The following SLCO4A1 variants were observed in gnomAD, a reference collection of about 807,000 sequenced individuals.
The protein encoded by SLCO4A1 is colon organic anion transporter.
Under a neutral mutation model 64.6 loss-of-function variants are expected in SLCO4A1, and 51 were observed. The ratio of observed to expected loss-of-function variants is 0.79; its 90% CI spans 0.63 to 1.00. The LOEUF (loss-of-function observed/expected upper bound fraction) is 1.00. Among genes scored for constraint, SLCO4A1 ranks in the 50% least tolerant of loss-of-function variants. The pLI, the probability that SLCO4A1 is intolerant of heterozygous loss-of-function variation, is 0.00. For missense variants in SLCO4A1, 919 were observed against 980.5 expected (o/e 0.94, Z 0.84); for synonymous variants, 471 against 444.9 (o/e 1.06, Z -0.74).
At chr20:62,682,447 G>A (rs1018668757) in intron 2 of SLCO4A1, among the ~76,000 whole-genome samples, 3 of 152,210 alleles carry the variant, frequency 2.0e-5, no homozygotes, top group African/African-American at 7.2e-5. Context: ...TTGGACACAT[G>A]AGTGTGGAGA....
At chr20:62,687,073 G>C (rs926179384), downstream of SLCO4A1, among the ~76,000 whole-genome samples, 1 of 148,632 alleles carries the variant, frequency 6.7e-6, no homozygotes, top group Non-Finnish European at 1.5e-5. Flanking sequence ...CCCCAAACAG[G>C]CACGATGGGA....
In SLCO4A1 at chr20:62,672,276, T is replaced by C; in HGVS notation, c.*383T>C. The C allele has an allele frequency of 1.8e-6, 2 of 1,139,306 alleles. No individual in the cohort carries two copies. The highest frequency in any genetic ancestry group is 2.2e-6 in the Non-Finnish European group (2 of 920,558). 70.6% of individuals were successfully genotyped at this position (1,139,306 alleles called of 1,614,324 possible). A position where few individuals can be genotyped will look rare whatever the true frequency, so the allele number is the denominator to read the frequency against. ...TTAAAACTGTGCATATCGAAATATA[T>C]TTTGTTATTTAAGCCTGCGTCCCCG... is the stretch of plus-strand genomic sequence containing the variant. On this transcript the variant is annotated 3_prime_UTR_variant, in exon 12 of 12. Transcript: ENST00000217159.
downstream of SLCO4A1, among the ~76,000 whole-genome samples, chr20:62,687,716 C>T (rs1360485667): frequency 6.6e-6 from 1 of 152,196 alleles, no homozygotes; most frequent in African/African-American, 2.4e-5. Flanking sequence ...GGGGGCCGCT[C>T]CTGGACACGG....
chr20:62,684,893 G>A (rs1288373929), intron 2 of SLCO4A1, among the ~76,000 whole-genome samples: 4 of 152,120 alleles, frequency 2.6e-5, no homozygotes, highest in East Asian at 1.9e-4. Context: ...GCAACGACCC[G>A]ACCACACCAG....
intron 1 of SLCO4A1, among the ~76,000 whole-genome samples, chr20:62,646,912 A>C (rs76604150): frequency 0.035 from 5,322 of 152,296 alleles, 140 homozygotes; most frequent in African/African-American, 0.059. Flanking sequence ...CGTCCTCCCC[A>C]CGCTCCCAGG....
downstream of SLCO4A1, among the ~76,000 whole-genome samples, chr20:62,676,650 G>A (rs1044045866): frequency 1.2e-4 from 18 of 152,190 alleles, no homozygotes; most frequent in East Asian, 7.7e-4. Flanking sequence ...ACGACACGTC[G>A]TGGAGAACTT....
In SLCO4A1 at chr20:62,661,052, G is replaced by C. The variant is rs927364174; in HGVS notation, c.1010-12G>C. ...CCAGCCCCCAGCCCCAGCTCACTCT[G>C]TGCCCTTCCAGGCTCCCAGCGCTAC... On this transcript the variant is annotated splice_polypyrimidine_tract_variant and intron_variant, in intron 4 of 11. Transcript: ENST00000217159. The surrounding 1 kb of genome is among the most constrained non-coding windows in gnomAD (Gnocchi z 5.2). The C allele has an allele frequency of 1.3e-5, 10 of 764,562 alleles. No homozygotes were observed. The Admixed American group carries it at 1.5e-4, about 11-fold the overall frequency. The allele number at this position is 764,562 out of a possible 1,614,324, so 47.4% of individuals were successfully genotyped here.
At chr20:62,655,561 G>A (rs1243134804) in intron 1 of SLCO4A1, among the ~76,000 whole-genome samples, 1 of 152,204 alleles carries the variant, frequency 6.6e-6, no homozygotes, top group Admixed American at 6.5e-5. Flanking sequence ...TCGGGATGGT[G>A]GGGAACAGGG....
rs1440058753 is a variant in SLCO4A1, at chr20:62,661,038, C to CCCCCAGT, written c.1010-23_1010-22insCAGTCCC. 3 of 1,317,862 alleles carry CCCCCAGT rather than the reference C, an allele frequency of 2.3e-6. No homozygotes were observed. Among genetic ancestry groups the CCCCCAGT allele is most frequent in the Non-Finnish European group, 2.2e-6 (2 of 914,268 alleles). The allele number at this position is 1,317,862 out of a possible 1,614,324, so 81.6% of individuals were successfully genotyped here. Reference sequence around the variant, plus strand: ...ACCTCCGGGAGCCCCCAGCCCCCAGCCCCAGCTCACTCTGTGCCCTTCCAG... The same window carrying CCCCCAGT: ...ACCTCCGGGAGCCCCCAGCCCCCAGCCCCCAGTCCCAGCTCACTCTGTGCCCTTCCAG... On this transcript the variant is annotated intron_variant, in intron 4 of 11. Transcript: ENST00000217159. The surrounding 1 kb of genome is among the most constrained non-coding windows in gnomAD (Gnocchi z 5.2).
intron 7 of SLCO4A1, 47 bp downstream of exon 7, chr20:62,666,622 C>T (rs757673039): frequency 2.3e-5 from 35 of 1,529,020 alleles, no homozygotes; most frequent in Non-Finnish European, 2.8e-5. Context: ...CCCAAGCACC[C>T]GCGGTCCCTG....
In SLCO4A1 at chr20:62,685,125, C is replaced by T. The variant is rs906886078; in HGVS notation, n.212-316C>T. On this transcript the variant is annotated intron_variant and non_coding_transcript_variant, in intron 2 of 2. Coordinates refer to the SLCO4A1 transcript ENST00000466818. This position sits in a 1 kb window ranked among gnomAD's most constrained non-coding sequence, Gnocchi z 4.6. ...CGTGTGACCAGCCAGGGTCATAAAA[C>T]ACACATGGTCAGAGCAGGGCACTCA... Among the ~76,000 whole-genome samples, 2 of 151,940 alleles carry T rather than the reference C, an allele frequency of 1.3e-5. No individual in the cohort carries two copies. Among genetic ancestry groups the T allele is most frequent in the Non-Finnish European group, 2.9e-5 (2 of 67,974 alleles).
At chr20:62,663,031 T>C (rs1350391865) in intron 5 of SLCO4A1, 1 of 152,188 alleles carries the variant, frequency 6.6e-6, no homozygotes, top group African/African-American at 2.4e-5. Context: ...AGGAAATAAA[T>C]TTTGAAAGAA....
At position 62,680,567 on chromosome 20, in the gene SLCO4A1, TG is replaced by T. The variant is rs1987779943; in HGVS notation, n.212-4872del. On this transcript the variant is annotated intron_variant and non_coding_transcript_variant, in intron 2 of 2. Transcript: ENST00000466818. Reference sequence around the variant, plus strand: ...TCCCCTTCTATTTCTAGTTTGCTGATGGTTTTTTTTTTTTTTTAACCATAAA... The same window carrying T: ...TCCCCTTCTATTTCTAGTTTGCTGATGTTTTTTTTTTTTTTTAACCATAAA... Among the ~76,000 whole-genome samples, 4 of 103,054 alleles carry T rather than the reference TG, an allele frequency of 3.9e-5. No individual in the cohort carries two copies. In the South Asian group the frequency reaches 1.1e-3, roughly 29 times the overall value. 67.6% of individuals were successfully genotyped at this position (103,054 alleles called of 152,430 possible).
At chr20:62,686,230 T>A (rs1289774199), downstream of SLCO4A1, among the ~76,000 whole-genome samples, 1 of 152,152 alleles carries the variant, frequency 6.6e-6, no homozygotes, top group East Asian at 1.9e-4. Context: ...TGGCAGGTGG[T>A]GTCTAAATAG....
chr20:62,661,041 C>CCA lies in SLCO4A1; in HGVS notation c.1010-23_1010-22insCA. ...TCCGGGAGCCCCCAGCCCCCAGCCCCAGCTCACTCTGTGCCCTTCCAGGCT... is the reference window on the plus strand; with the variant it reads ...TCCGGGAGCCCCCAGCCCCCAGCCCCCAAGCTCACTCTGTGCCCTTCCAGGCT... On this transcript the variant is annotated intron_variant, in intron 4 of 11. Coordinates refer to ENST00000217159, the MANE Select transcript of SLCO4A1 (RefSeq NM_016354.4). This position sits in a 1 kb window ranked among gnomAD's most constrained non-coding sequence, Gnocchi z 5.2. The CCA allele has an allele frequency of 7.0e-7, 1 of 1,424,144 alleles. No homozygotes were observed. Among genetic ancestry groups the CCA allele is most frequent in the Non-Finnish European group, 9.9e-7 (1 of 1,010,142 alleles). The allele number at this position is 1,424,144 out of a possible 1,614,324, so 88.2% of individuals were successfully genotyped here. A position where few individuals can be genotyped will look rare whatever the true frequency, so the allele number is the denominator to read the frequency against.
intron 2 of SLCO4A1, among the ~76,000 whole-genome samples, chr20:62,679,889 A>G (rs960130351): frequency 6.6e-5 from 10 of 152,216 alleles, no homozygotes; most frequent in African/African-American, 2.4e-4. Flanking sequence ...GTGATTATTC[A>G]TAGACTCTCT....
At position 62,665,062 on chromosome 20, in the gene SLCO4A1, G is replaced by A; in HGVS notation, c.1250G>A (p.Ser417Asn). The A allele has an allele frequency of 6.2e-7, 1 of 1,612,484 alleles. No individual in the cohort carries two copies. Among genetic ancestry groups the A allele is most frequent in the Non-Finnish European group, 8.5e-7 (1 of 1,179,414 alleles). ...PKFLESQFSL[S>N]ASEAATLFGY... ...TTCTTGGAGTCCCAGTTCAGCCTGA[G>A]TGCCTCAGAAGCTGCCACCTTGTTT... The change falls in exon 6 of 12, where the codon AGT becomes AAT. Residue 417 changes from serine (S) to asparagine (N), a missense_variant. By Grantham distance (46) the Ser-to-Asn change is conservative. Transcript: ENST00000217159.
In SLCO4A1 at chr20:62,656,714, G is replaced by A. The variant is rs1385920965; in HGVS notation, c.260G>A (p.Gly87Asp). 6.2e-7 allele frequency: 1 copy of A among 1,610,602 alleles called. No individual in the cohort carries two copies. Among genetic ancestry groups the A allele is most frequent in the Non-Finnish European group, 8.5e-7 (1 of 1,178,984 alleles). ...YVSAGQSVAC[G>D]WWAFAPPCLQ... is the part of the protein sequence containing the mutation. ...TCGGCCGGGCAGAGCGTGGCGTGCG[G>A]CTGGTGGGCCTTCGCACCGCCGTGC... Residue 87 changes from glycine (G) to aspartate (D), a missense_variant, in exon 2 of 12, where the codon GGC (glycine) becomes GAC (aspartate). Physicochemically the swap from Gly to Asp is moderately conservative, Grantham distance 94. Coordinates refer to ENST00000217159, the MANE Select transcript of SLCO4A1 (RefSeq NM_016354.4).
chr20:62,666,777 C>T, intron 7 of SLCO4A1: 1 of 597,614 alleles, frequency 1.7e-6, no homozygotes, highest in Non-Finnish European at 3.0e-6. Context: ...CCCAGCAGTG[C>T]CTGCGCTTGG....
Sources: gnomAD v4.1 joint callset for allele counts (sites outside exome capture counted in the v4.1 genomes callset) on GRCh38, gnomAD v4.1.1 for gene constraint, Gnocchi (gnomAD v3.1) non-coding constraint, MANE v1.5 for transcripts, NCBI Gene and HGNC (gene_info 2026-07-23, HGNC 2026-07-21) for gene names.